SPAG9: variants seen among roughly 807,000 people sequenced by gnomAD.
SPAG9 encodes the protein C-Jun-amino-terminal kinase-interacting protein 4.
SPAG9 carries 35 observed loss-of-function variants against 166.5 expected under a neutral mutation model. The ratio of observed to expected loss-of-function variants is 0.21; its 90% CI spans 0.16 to 0.28. The LOEUF (loss-of-function observed/expected upper bound fraction) is 0.28. SPAG9 is among the 10% of genes least tolerant of loss of function. The probability of loss-of-function intolerance (pLI) is 1.00; values close to 1 mark genes in which losing one functional copy is unlikely to be tolerated. For missense variants in SPAG9, 1,235 were observed against 1,603.3 expected (o/e 0.77, Z 3.92); for synonymous variants, 534 against 565.5 (o/e 0.94, Z 0.79).
chr17:51,000,751 GAATGAATA>G (rs200099265), intron 13 of SPAG9, among the ~76,000 whole-genome samples: 35,057 of 132,880 alleles, frequency 0.26, 5,186 homozygotes, highest in African/African-American at 0.47. Flanking sequence ...CTCAATAAAT[GAATGAATA>G]AATAAATAAA....
intron 1 of SPAG9, among the ~76,000 whole-genome samples, chr17:51,096,743 T>G (rs1033305417): frequency 1.3e-5 from 2 of 152,154 alleles, no homozygotes; most frequent in African/African-American, 4.8e-5. Flanking sequence ...TATATCAACA[T>G]GGACAGATCA....
intron 1 of SPAG9, among the ~76,000 whole-genome samples, chr17:51,084,818 G>C (rs993039888): frequency 4.7e-4 from 72 of 151,872 alleles, no homozygotes; most frequent in African/African-American, 1.6e-3. Flanking sequence ...CTATCAAACT[G>C]CTAACAAAAA....
chr17:51,056,575 T>A (rs2047368078), intron 2 of SPAG9, 93 bp from the exon 3 acceptor site: 2 of 754,082 alleles, frequency 2.7e-6, no homozygotes, highest in Non-Finnish European at 4.6e-6. Flanking sequence ...TCCATAATCC[T>A]TAGCAACTTT....
chr17:50,982,958 T>C (rs1033725854), intron 24 of SPAG9, among the ~76,000 whole-genome samples: 1 of 152,224 alleles, frequency 6.6e-6, no homozygotes, highest in African/African-American at 2.4e-5. Context: ...TTACAAGTTA[T>C]CTGTTTATCA....
chr17:51,022,864 C>G (rs1225479858), intron 6 of SPAG9, among the ~76,000 whole-genome samples: 1 of 150,540 alleles, frequency 6.6e-6, no homozygotes, highest in Admixed American at 6.6e-5. Context: ...GCAGGAGAAA[C>G]ACTTGAACCC....
chr17:51,083,489 G>A (rs372581843), intron 1 of SPAG9, among the ~76,000 whole-genome samples: 6 of 151,338 alleles, frequency 4.0e-5, no homozygotes, highest in African/African-American at 1.5e-4. Flanking sequence ...CACCCACCTC[G>A]GCCTCCCAAA....
rs145931805 is a variant in SPAG9, at chr17:51,034,248, A to G, written c.742-2526T>C. On this transcript the variant is annotated intron_variant, in intron 5 of 29. Coordinates refer to ENST00000262013, the MANE Select transcript of SPAG9 (RefSeq NM_001130528.3). ...ACTTTTATTTTACCCTAGTAGGCAC[A>G]CTAATACAAAATTCTATAAAGGAGG... 9.1e-4 allele frequency among the ~76,000 whole-genome samples: 139 copies of G among 152,360 alleles called. 1 individual carries two copies. Among genetic ancestry groups the G allele is most frequent in the Middle Eastern group, 3.4e-3 (1 of 294 alleles).
intron 10 of SPAG9, among the ~76,000 whole-genome samples, chr17:51,006,799 T>C (rs1324295710): frequency 6.6e-6 from 1 of 152,118 alleles, no homozygotes; most frequent in East Asian, 1.9e-4. Context: ...TCCCATTAAA[T>C]GTGTCTGAGG....
chr17:51,093,750 G>A (rs1421924444), intron 1 of SPAG9, among the ~76,000 whole-genome samples: 1 of 149,950 alleles, frequency 6.7e-6, no homozygotes, highest in Non-Finnish European at 1.5e-5. Flanking sequence ...TGGAAAGTAT[G>A]TAATAGAAAA....
At chr17:51,074,599 AC>A (rs1414318712) in intron 2 of SPAG9, among the ~76,000 whole-genome samples, 1 of 152,216 alleles carries the variant, frequency 6.6e-6, no homozygotes, top group Non-Finnish European at 1.5e-5. Context: ...TATATTCATA[AC>A]AAAAATAAAG....
chr17:51,011,890 A>G (rs1357963048), intron 9 of SPAG9, among the ~76,000 whole-genome samples: 1 of 152,232 alleles, frequency 6.6e-6, no homozygotes, highest in African/African-American at 2.4e-5. Flanking sequence ...TTGATTTAAA[A>G]GACAACAGAT....
intron 2 of SPAG9, among the ~76,000 whole-genome samples, chr17:51,075,049 A>T (rs888004461): frequency 6.6e-6 from 1 of 151,812 alleles, no homozygotes; most frequent in Non-Finnish European, 1.5e-5. Context: ...TACAAAAATT[A>T]GCCAGGCATA....
At chr17:51,018,092 C>G (rs1314432338) in intron 8 of SPAG9, among the ~76,000 whole-genome samples, 1 of 151,966 alleles carries the variant, frequency 6.6e-6, no homozygotes, top group African/African-American at 2.4e-5. Context: ...ATCTAATCTC[C>G]CAGCACTTTG....
rs1268383323 is a variant in SPAG9 at position 50,985,702 on chromosome 17, T to C, written c.3016A>G (p.Ile1006Val). The C allele has an allele frequency of 1.9e-6, 3 of 1,576,222 alleles. No individual in the cohort carries two copies. Among genetic ancestry groups the C allele is most frequent in the South Asian group, 1.1e-5 (1 of 89,536 alleles). Residue 1006 changes from isoleucine (I) to valine (V), a missense_variant, in exon 23 of 30, where the codon ATT becomes GTT. By Grantham distance (29) the Ile-to-Val change is conservative. Around this residue, in one of 6 missense-constraint regions of SPAG9, gnomAD observed 493 missense variants for 559.4 expected, o/e 0.88. Transcript: ENST00000262013. ...AATTTCCAAAATAAAACTTACACAA[T>C]ACTGAGAATCGAATCTTTAAGTTTA... ...SIKLKDSILS[I>V]VHVKGIVLVA...
intron 4 of SPAG9, among the ~76,000 whole-genome samples, chr17:51,046,090 C>G (rs1343724360): frequency 6.6e-6 from 1 of 152,034 alleles, no homozygotes; most frequent in African/African-American, 2.4e-5. Context: ...ATAATTAAAA[C>G]AAAATAAGCT....
At chr17:51,017,519 TGAGAGAGA>T (rs60839678) in intron 8 of SPAG9, among the ~76,000 whole-genome samples, 36,023 of 147,388 alleles carry the variant, frequency 0.24, 5,019 homozygotes, top group Admixed American at 0.34. Flanking sequence ...AGAACCTGTC[TGAGAGAGA>T]GAGAGAGAGA....
Position 50,962,602 on chromosome 17 carries a change from C to CT in SPAG9, c.*3669dup, listed in dbSNP as rs1169579894. 1 of 152,170 alleles carries CT rather than the reference C, an allele frequency of 6.6e-6. No individual in the cohort carries two copies. Among genetic ancestry groups the CT allele is most frequent in the Non-Finnish European group, 1.5e-5 (1 of 68,038 alleles). The allele number at this position is 152,170 out of a possible 1,614,324, so 9.4% of individuals were successfully genotyped here. ...TTACAAAGTGGGACCAAATGAGTCC[C>CT]TTTCTGAACATGATCAATTAAGAAG... On this transcript the variant is annotated 3_prime_UTR_variant, in exon 30 of 30. Transcript: ENST00000262013.
At chr17:51,076,997 G>T (rs866609870) in intron 2 of SPAG9, among the ~76,000 whole-genome samples, 14 of 97,024 alleles carry the variant, frequency 1.4e-4, no homozygotes, top group Non-Finnish European at 3.0e-4. Context: ...TAGCTATCTA[G>T]CTATCTAGCT....
At chr17:51,034,042 T>C (rs904800575) in intron 5 of SPAG9, among the ~76,000 whole-genome samples, 1 of 152,208 alleles carries the variant, frequency 6.6e-6, no homozygotes, top group African/African-American at 2.4e-5. Flanking sequence ...TTACCCTTTT[T>C]TTCCTTCCAA....
Sources: gnomAD v4.1 joint callset for allele counts (sites outside exome capture counted in the v4.1 genomes callset) on GRCh38, gnomAD v4.1.1 for gene constraint, gnomAD v4.1.1 regional missense constraint, MANE v1.5 for transcripts, NCBI Gene and HGNC (gene_info 2026-07-23, HGNC 2026-07-21) for gene names.